RAB5C: variants seen among roughly 807,000 people sequenced by gnomAD.
RAB5C encodes the protein RAB5C, member RAS oncogene family.
A neutral mutation model predicts 25.2 loss-of-function variants in RAB5C; 4 were observed. That is an observed-to-expected ratio of 0.16 (90% CI 0.08 to 0.36). The LOEUF (loss-of-function observed/expected upper bound fraction) is 0.36. Ranked by LOEUF, RAB5C falls within the 10% of genes least tolerant of loss-of-function variation. RAB5C has a pLI of 1.00. For missense variants in RAB5C, 199 were observed against 283.8 expected (o/e 0.70, Z 2.15); for synonymous variants, 100 against 106.4 (o/e 0.94, Z 0.37).
At position 42,125,155 on chromosome 17, in the gene RAB5C, A is replaced by G. The variant is rs2054404397; in HGVS notation, c.*628T>C. ...TGGTCAGAACAGGGCTCAGAGCCAGAGGTTGGGGTGACCGAGGGTGGAGGG... is the reference window on the plus strand; with the variant it reads ...TGGTCAGAACAGGGCTCAGAGCCAGGGGTTGGGGTGACCGAGGGTGGAGGG... On this transcript the variant is annotated 3_prime_UTR_variant, in exon 6 of 6. Coordinates refer to ENST00000346213, the MANE Select transcript of RAB5C (RefSeq NM_004583.4). 6.8e-6 allele frequency: 1 copy of G among 146,400 alleles called. No individual in the cohort carries two copies. Among genetic ancestry groups the G allele is most frequent in the African/African-American group, 2.5e-5 (1 of 40,024 alleles). The allele number at this position is 146,400 out of a possible 1,614,324, so 9.1% of individuals were successfully genotyped here.
At chr17:42,134,449 C>T (rs1243854913) in intron 1 of RAB5C, among the ~76,000 whole-genome samples, 1 of 152,134 alleles carries the variant, frequency 6.6e-6, no homozygotes, top group Admixed American at 6.5e-5. Context: ...TGGTGGTACA[C>T]GCCTGTAATC....
intron 1 of RAB5C, among the ~76,000 whole-genome samples, chr17:42,141,262 T>A (rs1316797761): frequency 6.6e-6 from 1 of 152,094 alleles, no homozygotes; most frequent in Non-Finnish European, 1.5e-5. Flanking sequence ...ATAAGACTAG[T>A]GTAGGTGGCA....
At chr17:42,135,762 T>C (rs933927176) in intron 1 of RAB5C, among the ~76,000 whole-genome samples, 1 of 152,232 alleles carries the variant, frequency 6.6e-6, no homozygotes, top group African/African-American at 2.4e-5. Context: ...ACCCACTTCA[T>C]ATGTTTTGTC....
At position 42,130,597 on chromosome 17, in the gene RAB5C, G is replaced by C; in HGVS notation, c.-88-7C>G. 6.4e-7 allele frequency: 1 copy of C among 1,561,522 alleles called. No homozygotes were observed. Among genetic ancestry groups the C allele is most frequent in the Non-Finnish European group, 8.7e-7 (1 of 1,153,508 alleles). Reference sequence around the variant, plus strand: ...TGGGGAGGGGGACCTCCAACTGTAAGGGAGAAATGAGAAGTACTGAGTTAG... The same window carrying C: ...TGGGGAGGGGGACCTCCAACTGTAACGGAGAAATGAGAAGTACTGAGTTAG... On this transcript the variant is annotated splice_polypyrimidine_tract_variant and splice_region_variant and intron_variant, in intron 1 of 5. Coordinates refer to ENST00000346213, the MANE Select transcript of RAB5C (RefSeq NM_004583.4).
chr17:42,128,838 T>C lies in RAB5C; in HGVS notation c.167-38A>G, dbSNP rs753018500. 12 of 1,416,922 alleles carry C rather than the reference T, an allele frequency of 8.5e-6. No homozygotes were observed. In the Admixed American group the frequency reaches 2.1e-4, roughly 24 times the overall value. The allele number at this position is 1,416,922 out of a possible 1,614,324, so 87.8% of individuals were successfully genotyped here. The stretch of plus-strand genomic sequence containing the variant: ...AGGAGCGTCCATGGGCAAGAGCGAG[T>C]TGGAATCCACCCCACACAATCCCAC... On this transcript the variant is annotated intron_variant, in intron 2 of 5. Coordinates refer to ENST00000346213, the MANE Select transcript of RAB5C (RefSeq NM_004583.4).
chr17:42,136,816 A>T (rs2054540921), intron 1 of RAB5C, among the ~76,000 whole-genome samples: 1 of 152,216 alleles, frequency 6.6e-6, no homozygotes, highest in Non-Finnish European at 1.5e-5. Flanking sequence ...AGCTGGTGGC[A>T]GAGCCCAAGC....
chr17:42,148,734 G>A (rs1248228978), intron 1 of RAB5C, among the ~76,000 whole-genome samples: 1 of 152,262 alleles, frequency 6.6e-6, no homozygotes, highest in East Asian at 1.9e-4. Flanking sequence ...AAAGTAGGGA[G>A]ATACAGTTTC....
Position 42,125,843 on chromosome 17 carries a change from G to A in RAB5C, c.591C>T (p.Asn197=), listed in dbSNP as rs370998124. ...PQNATGAPGR[N]RGVDLQENNP... ...TGTTCTCCTGGAGGTCCACACCTCG[G>A]TTTCGGCCTGGAGCACCAGTTGCAT... The change falls in exon 6 of 6, where the codon AAC becomes AAT. Residue 197 remains asparagine (N), a synonymous_variant. Transcript: ENST00000346213. The A allele has an allele frequency of 1.9e-6, 3 of 1,612,046 alleles. No homozygotes were observed. Among genetic ancestry groups the A allele is most frequent in the Non-Finnish European group, 2.5e-6 (3 of 1,179,292 alleles).
In RAB5C at chr17:42,127,068, G is replaced by A. The variant is rs558053871; in HGVS notation, c.442-220C>T. On this transcript the variant is annotated intron_variant, in intron 4 of 5. Transcript: ENST00000346213. The stretch of plus-strand genomic sequence containing the variant: ...AATCACTAGCAGATGTCTTACCCGG[G>A]TTTCCCCAGGTCCACCCTGCCTTCT... Among the ~76,000 whole-genome samples the A allele has an allele frequency of 1.8e-3, 268 of 152,302 alleles. 2 individuals are homozygous for A. The highest frequency in any genetic ancestry group is 6.0e-3 in the African/African-American group (248 of 41,556).
intron 2 of RAB5C, among the ~76,000 whole-genome samples, chr17:42,129,778 C>T (rs2054466541): frequency 1.3e-5 from 2 of 152,222 alleles, no homozygotes; most frequent in South Asian, 4.1e-4. Flanking sequence ...AGCGTTGGCC[C>T]CTGCCTCTTG....
intron 1 of RAB5C, among the ~76,000 whole-genome samples, chr17:42,133,843 AAC>A (rs757959351): frequency 4.9e-4 from 74 of 152,320 alleles, no homozygotes; most frequent in Non-Finnish European, 9.8e-4. Context: ...GGTTATTTGT[AAC>A]ACTTTCTCCA....
chr17:42,128,216 G>T (rs758158415), intron 4 of RAB5C, 45 bp downstream of exon 4: 1 of 1,589,014 alleles, frequency 6.3e-7, no homozygotes. Flanking sequence ...AGGCCGGGGG[G>T]AGCTGCTTAC....
At chr17:42,153,538 C>T (rs142356140) in intron 1 of RAB5C, among the ~76,000 whole-genome samples, 1,601 of 152,288 alleles carry the variant, frequency 0.011, 26 homozygotes, top group Non-Finnish European at 0.015. Flanking sequence ...AAAAACACAG[C>T]ACTTTTAAGT....
intron 1 of RAB5C, among the ~76,000 whole-genome samples, chr17:42,131,240 T>C (rs1408327028): frequency 2.0e-5 from 3 of 152,198 alleles, no homozygotes; most frequent in Non-Finnish European, 2.9e-5. Context: ...TGTGCCTCTG[T>C]GCACCAGAAT....
chr17:42,128,803 G>A lies in RAB5C; in HGVS notation c.167-3C>T, dbSNP rs769396165. 1 of 1,493,114 alleles carries A rather than the reference G, an allele frequency of 6.7e-7. No individual in the cohort carries two copies. Among genetic ancestry groups the A allele is most frequent in the African/African-American group, 1.4e-5 (1 of 70,232 alleles). 92.5% of individuals were successfully genotyped at this position (1,493,114 alleles called of 1,614,324 possible). On this transcript the variant is annotated splice_region_variant and splice_polypyrimidine_tract_variant and intron_variant, in intron 2 of 5. Coordinates refer to ENST00000346213, the MANE Select transcript of RAB5C (RefSeq NM_004583.4). ...GACAGTCTGTGTGAGGAAGGCCGCT[G>A]TAAGAGAGAAGGAGCGTCCATGGGC... is the stretch of plus-strand genomic sequence containing the variant.
intron 1 of RAB5C, among the ~76,000 whole-genome samples, chr17:42,146,129 C>A (rs1208365019): frequency 6.6e-6 from 1 of 152,034 alleles, no homozygotes; most frequent in Non-Finnish European, 1.5e-5. Context: ...AGATGCTTGC[C>A]CAGCACTCCT....
intron 1 of RAB5C, among the ~76,000 whole-genome samples, chr17:42,134,981 T>G (rs2054521866): frequency 4.7e-5 from 3 of 63,474 alleles, no homozygotes; most frequent in Admixed American, 3.7e-4. Flanking sequence ...TTTTCTTAAG[T>G]TTTTTTTTTT....
At chr17:42,129,438 T>C (rs1250106541) in intron 2 of RAB5C, among the ~76,000 whole-genome samples, 1 of 152,106 alleles carries the variant, frequency 6.6e-6, no homozygotes, top group African/African-American at 2.4e-5. Flanking sequence ...TGACCTTCAG[T>C]CACTAAGAGG....
chr17:42,141,245 A>G (rs1486573275), intron 1 of RAB5C, among the ~76,000 whole-genome samples: 1 of 152,216 alleles, frequency 6.6e-6, no homozygotes, highest in African/African-American at 2.4e-5. Flanking sequence ...CATGGCCCCA[A>G]ATGTTCATAA....
Sources: gnomAD v4.1 joint callset for allele counts (sites outside exome capture counted in the v4.1 genomes callset) on GRCh38, gnomAD v4.1.1 for gene constraint, MANE v1.5 for transcripts, NCBI Gene and HGNC (gene_info 2026-07-23, HGNC 2026-07-21) for gene names.